Variants in ROBO2 observed in about 807,000 individuals in gnomAD.
ROBO2 encodes roundabout guidance receptor 2.
Under a neutral mutation model 160.8 loss-of-function variants are expected in ROBO2, and 53 were observed. The observed-to-expected ratio is 0.33, with a 90% CI of 0.26 to 0.41. ROBO2 has a LOEUF of 0.41. Among genes scored for constraint, ROBO2 ranks in the 10% least tolerant of loss-of-function variants. The pLI, the probability that ROBO2 is intolerant of heterozygous loss-of-function variation, is 1.00. For synonymous variants in ROBO2, 664 were observed against 611.7 expected (o/e 1.09, Z -1.26); for missense variants, 1,577 against 1,722.4 (o/e 0.92, Z 1.49).
chr3:76,498,933 C>A (rs1441871079), intron 2 of ROBO2, among the ~76,000 whole-genome samples: 1 of 152,076 alleles, frequency 6.6e-6, no homozygotes, highest in African/African-American at 2.4e-5. Flanking sequence ...ATGATCCACC[C>A]TCCTCAGCCT....
intron 1 of ROBO2, among the ~76,000 whole-genome samples, chr3:75,929,573 C>G (rs1352796929): frequency 1.3e-5 from 2 of 152,150 alleles, no homozygotes; most frequent in African/African-American, 2.4e-5. Context: ...ATTACAACTT[C>G]TAGACTGTTA....
chr3:77,096,539 C>T (rs985975949), intron 1 of ROBO2, among the ~76,000 whole-genome samples: 1 of 151,236 alleles, frequency 6.6e-6, no homozygotes, highest in Non-Finnish European at 1.5e-5. Context: ...ACCTCTGCTT[C>T]CTGAGTTCAA....
At chr3:77,082,756 T>C (rs2068807903) in intron 1 of ROBO2, among the ~76,000 whole-genome samples, 1 of 151,964 alleles carries the variant, frequency 6.6e-6, no homozygotes, top group African/African-American at 2.4e-5. Context: ...CACTCTAGTA[T>C]GTACAAATGT....
At chr3:76,306,858 G>C (rs1376788445) in intron 2 of ROBO2, among the ~76,000 whole-genome samples, 1 of 152,130 alleles carries the variant, frequency 6.6e-6, no homozygotes, top group Non-Finnish European at 1.5e-5. Flanking sequence ...TTTCAGTTCA[G>C]TTTCCAAAGT....
At chr3:77,368,759 G>A (rs887494851) in intron 2 of ROBO2, among the ~76,000 whole-genome samples, 10 of 152,094 alleles carry the variant, frequency 6.6e-5, no homozygotes, top group African/African-American at 2.4e-4. Context: ...AATTTGAAAT[G>A]TGAAAATTAT....
intron 1 of ROBO2, among the ~76,000 whole-genome samples, chr3:75,907,754 T>C (rs972594951): frequency 2.0e-5 from 3 of 152,160 alleles, no homozygotes; most frequent in African/African-American, 4.8e-5. Flanking sequence ...GGGAAAGGGA[T>C]TGATAGAGAA....
intron 2 of ROBO2, among the ~76,000 whole-genome samples, chr3:76,984,153 G>T (rs566834694): frequency 1.3e-5 from 2 of 152,140 alleles, no homozygotes; most frequent in Non-Finnish European, 2.9e-5. Flanking sequence ...GCCCTTTCTC[G>T]TGGGGATTCT....
At chr3:76,493,360 T>TATATATATATATATATATATATA (rs1431991929) in intron 2 of ROBO2, among the ~76,000 whole-genome samples, 29 of 138,920 alleles carry the variant, frequency 2.1e-4, no homozygotes, top group African/African-American at 7.1e-4. Context: ...TATATATATA[T>TATATATATATATATATATATATA]ATATAATTGT....
intron 2 of ROBO2, among the ~76,000 whole-genome samples, chr3:76,099,972 G>A (rs2069614749): frequency 6.6e-6 from 1 of 152,152 alleles, no homozygotes; most frequent in African/African-American, 2.4e-5. Flanking sequence ...CATAGATAAT[G>A]ATTCTTATTT....
chr3:76,515,031 T>C (rs1313499741), intron 2 of ROBO2, among the ~76,000 whole-genome samples: 6 of 152,200 alleles, frequency 3.9e-5, no homozygotes, highest in Non-Finnish European at 7.4e-5. Flanking sequence ...CCATGGCTTG[T>C]TCATTTATAA....
At chr3:77,611,297 CAAA>C (rs11330872) in intron 21 of ROBO2, among the ~76,000 whole-genome samples, 7 of 132,194 alleles carry the variant, frequency 5.3e-5, no homozygotes, top group African/African-American at 1.5e-4. Context: ...GACTCTGTCT[CAAA>C]AAAAAAAAAA....
At position 77,581,823 on chromosome 3, in the gene ROBO2, T is replaced by C. The variant is rs763956491; in HGVS notation, c.2500+1705T>C. 7.4e-4 allele frequency among the ~76,000 whole-genome samples: 113 copies of C among 152,188 alleles called. 1 individual carries two copies. The highest frequency in any genetic ancestry group is 5.9e-4 in the Admixed American group (9 of 15,276). On this transcript the variant is annotated intron_variant, in intron 16 of 25. Transcript: ENST00000461745. ...TCTTTATTGATTTCTATTTGCGCTCTTAATTACTAAAAACAGTCTGGAAAT... is the reference window on the plus strand; with the variant it reads ...TCTTTATTGATTTCTATTTGCGCTCCTAATTACTAAAAACAGTCTGGAAAT...
At chr3:77,222,927 A>G (rs1383294110) in intron 2 of ROBO2, among the ~76,000 whole-genome samples, 3 of 152,200 alleles carry the variant, frequency 2.0e-5, no homozygotes, top group African/African-American at 7.2e-5. Flanking sequence ...CCCTCTTTAA[A>G]TATGCATGAA....
chr3:77,286,460 T>C (rs1175684758), intron 2 of ROBO2, among the ~76,000 whole-genome samples: 1 of 152,114 alleles, frequency 6.6e-6, no homozygotes, highest in Non-Finnish European at 1.5e-5. Flanking sequence ...TTCACCATGT[T>C]GGCCAGGCTG....
chr3:76,902,041 ATATT>A (rs2075277362), intron 2 of ROBO2, among the ~76,000 whole-genome samples: 1 of 152,056 alleles, frequency 6.6e-6, no homozygotes, highest in African/African-American at 2.4e-5. Context: ...AAATGAATAA[ATATT>A]AAGTAGACTT....
At chr3:77,419,542 A>C (rs377055159) in intron 2 of ROBO2, among the ~76,000 whole-genome samples, 3 of 152,160 alleles carry the variant, frequency 2.0e-5, no homozygotes, top group Admixed American at 1.3e-4. Flanking sequence ...ATGACAGAGG[A>C]AATGGAACTC....
chr3:76,510,507 T>C (rs2081032719), intron 2 of ROBO2, among the ~76,000 whole-genome samples: 1 of 152,162 alleles, frequency 6.6e-6, no homozygotes, highest in South Asian at 2.1e-4. Flanking sequence ...GTGGATCACC[T>C]GAGATCAGGA....
intron 2 of ROBO2, among the ~76,000 whole-genome samples, chr3:77,262,627 G>C (rs987414183): frequency 6.6e-6 from 1 of 151,978 alleles, no homozygotes; most frequent in East Asian, 1.9e-4. Context: ...TTGCGCATGA[G>C]TGCACACACA....
At chr3:77,484,955 T>C (rs905284390) in intron 4 of ROBO2, among the ~76,000 whole-genome samples, 1 of 152,120 alleles carries the variant, frequency 6.6e-6, no homozygotes, top group South Asian at 2.1e-4. Flanking sequence ...ATTCTTGAAA[T>C]CTCTAACAGA....
Sources: allele counts gnomAD v4.1 joint callset (sites outside exome capture counted in the v4.1 genomes callset), GRCh38; gene constraint gnomAD v4.1.1; transcripts MANE v1.5; gene names NCBI Gene and HGNC (gene_info 2026-07-23, HGNC 2026-07-21).